The following BCL6B variants were observed in gnomAD, a reference collection of about 807,000 sequenced individuals.
The protein encoded by BCL6B is BCL6B transcription repressor, also known as B-cell CLL/lymphoma 6 member B protein.
A neutral mutation model predicts 44.6 loss-of-function variants in BCL6B; 28 were observed. The ratio of observed to expected loss-of-function variants is 0.63; its 90% confidence interval spans 0.47 to 0.86. BCL6B has a LOEUF of 0.86. BCL6B is among the 40% of genes least tolerant of loss of function. The pLI, the probability that BCL6B is intolerant of heterozygous loss-of-function variation, is 0.00. For missense variants in BCL6B, 626 were observed against 652.3 expected, an observed-to-expected ratio of 0.96 and a Z score of 0.44; for synonymous variants, 268 against 263.6, an observed-to-expected ratio of 1.02 and a Z score of -0.16.
intron 8 of BCL6B, 137 bp from the exon 9 acceptor site, chr17:7,027,366 T>G: frequency 2.7e-6 from 3 of 1,096,418 alleles, no homozygotes; most frequent in Non-Finnish European, 4.0e-6. Flanking sequence ...CCCCTGAGGA[T>G]TTGGGAGGAT....
Position 7,028,036 on chromosome 17 carries a change from A to G in BCL6B, c.*417A>G. On this transcript the variant is annotated 3_prime_UTR_variant, in exon 9 of 9. Coordinates refer to ENST00000293805, the MANE Select transcript of BCL6B (RefSeq NM_181844.4). ...ACTCCCCTCTTCCACAAGTGTGATTAAAAGTGACCAGAAACACAGAAGGTG... is the reference window on the plus strand; with the variant it reads ...ACTCCCCTCTTCCACAAGTGTGATTGAAAGTGACCAGAAACACAGAAGGTG... The G allele has an allele frequency of 1.0e-6, 1 of 1,004,282 alleles. No individual in the cohort carries two copies. Among genetic ancestry groups the G allele is most frequent in the South Asian group, 4.3e-5 (1 of 23,318 alleles). 62.2% of individuals were successfully genotyped at this position (1,004,282 alleles called of 1,614,324 possible). A position where few individuals can be genotyped will look rare whatever the true frequency, so the allele number is the denominator to read the frequency against.
chr17:7,025,059 C>A lies in BCL6B; in HGVS notation c.765-17C>A. 4 of 1,613,518 alleles carry A rather than the reference C, an allele frequency of 2.5e-6. No homozygotes were observed. The highest frequency in any genetic ancestry group is 3.4e-6 in the Non-Finnish European group (4 of 1,179,710). On this transcript the variant is annotated splice_polypyrimidine_tract_variant and intron_variant, in intron 4 of 8. Coordinates refer to ENST00000293805, the MANE Select transcript of BCL6B (RefSeq NM_181844.4). ...ACCGTACAATCTCTTTTAACCCTTT[C>A]CTTGCCATCTGCCTAGGCTCTCTCC... is the stretch of plus-strand genomic sequence containing the variant.
At position 7,027,724 on chromosome 17, in the gene BCL6B, T is replaced by G. The variant is rs1474338888; in HGVS notation, c.*105T>G. On this transcript the variant is annotated 3_prime_UTR_variant, in exon 9 of 9. Transcript: ENST00000293805. Reference sequence around the variant, plus strand: ...GGGCATAGGGGTGTGCCAGGCCACTTTGGTATCAGAAATTGCCACCCTCTT... The same window carrying G: ...GGGCATAGGGGTGTGCCAGGCCACTGTGGTATCAGAAATTGCCACCCTCTT... 1 of 1,535,662 alleles carries G rather than the reference T, an allele frequency of 6.5e-7. No homozygotes were observed. The highest frequency in any genetic ancestry group is 2.1e-5 in the Admixed American group (1 of 48,066).
Sources: allele counts gnomAD v4.1 joint callset, GRCh38; gene constraint gnomAD v4.1.1; transcripts MANE v1.5; gene names NCBI Gene and HGNC (gene_info 2026-07-23, HGNC 2026-07-21).